TIGIT: variants seen among roughly 807,000 people sequenced by gnomAD.
TIGIT encodes the protein T cell immunoreceptor with Ig and ITIM domains.
TIGIT carries 11 observed loss-of-function variants against 19.6 expected under a neutral mutation model. That is an observed-to-expected ratio of 0.56 (90% CI 0.35 to 0.93). The LOEUF (loss-of-function observed/expected upper bound fraction) is 0.93. TIGIT is among the 40% of genes least tolerant of loss of function. The pLI is 0.01. For missense variants in TIGIT, 295 were observed against 303.9 expected (o/e 0.97, Z 0.22); for synonymous variants, 130 against 125.5 (o/e 1.04, Z -0.24).
intron 3 of TIGIT, among the ~76,000 whole-genome samples, chr3:114,300,012 T>C (rs991477745): frequency 2.0e-5 from 3 of 152,234 alleles, no homozygotes; most frequent in Admixed American, 1.3e-4. Flanking sequence ...TACTATGATT[T>C]TGATGCATCG....
intron 1 of TIGIT, 131 bp downstream of exon 1, chr3:114,294,253 T>G: frequency 1.5e-6 from 1 of 672,204 alleles, no homozygotes; most frequent in Non-Finnish European, 2.6e-6. Flanking sequence ...ATTGCAACTT[T>G]TAGAGTCCTG....
chr3:114,299,408 T>C (rs1308069483), intron 2 of TIGIT, among the ~76,000 whole-genome samples, 189 bp from the exon 3 acceptor site: 1 of 152,170 alleles, frequency 6.6e-6, no homozygotes, highest in Admixed American at 6.5e-5. Context: ...AAAATATCAG[T>C]CATTGATTTC....
At chr3:114,307,591 T>G in intron 3 of TIGIT, 1 of 296,914 alleles carries the variant, frequency 3.4e-6, no homozygotes, top group Non-Finnish European at 6.3e-6. Context: ...GTCGACAGAG[T>G]CAAGTGCAGT....
At chr3:114,299,499 C>A in intron 2 of TIGIT, 98 bp from the exon 3 acceptor site, 3 of 887,274 alleles carry the variant, frequency 3.4e-6, no homozygotes, top group Non-Finnish European at 5.5e-6. Flanking sequence ...AAGGGCTTGG[C>A]CAATCCTCCC....
intron 3 of TIGIT, among the ~76,000 whole-genome samples, chr3:114,300,981 C>A (rs2107951068): frequency 6.6e-6 from 1 of 152,258 alleles, no homozygotes; most frequent in Non-Finnish European, 1.5e-5. Context: ...TATAATTCGG[C>A]TTACTCTATA....
At chr3:114,303,354 C>A (rs2078504252) in intron 3 of TIGIT, among the ~76,000 whole-genome samples, 1 of 151,878 alleles carries the variant, frequency 6.6e-6, no homozygotes, top group Admixed American at 6.6e-5. Context: ...TTAGCTCCCA[C>A]TTCTGAGTGA....
intron 2 of TIGIT, among the ~76,000 whole-genome samples, chr3:114,298,177 G>T (rs1267221632): frequency 6.6e-6 from 1 of 152,152 alleles, no homozygotes; most frequent in Admixed American, 6.5e-5. Context: ...ATGTAGTGAT[G>T]TCATGCTTAC....
At chr3:114,301,159 A>T (rs1459927292) in intron 3 of TIGIT, among the ~76,000 whole-genome samples, 1 of 152,192 alleles carries the variant, frequency 6.6e-6, no homozygotes, top group Non-Finnish European at 1.5e-5. Flanking sequence ...AAGTCAGCTC[A>T]GCCCAGGTCA....
intron 1 of TIGIT, chr3:114,295,194 G>A (rs2078445445): frequency 4.0e-6 from 1 of 251,564 alleles, no homozygotes; most frequent in Non-Finnish European, 7.8e-6. Flanking sequence ...CCTCCCTGTG[G>A]GCGAGGTGTA....
intron 3 of TIGIT, among the ~76,000 whole-genome samples, chr3:114,304,250 T>TA (rs1259674415): frequency 4.6e-5 from 7 of 152,318 alleles, no homozygotes; most frequent in African/African-American, 1.7e-4. Context: ...TATTACTTTT[T>TA]AAAACTATTT....
intron 3 of TIGIT, among the ~76,000 whole-genome samples, chr3:114,302,418 C>G (rs1165639376): frequency 6.6e-6 from 1 of 152,232 alleles, no homozygotes; most frequent in Non-Finnish European, 1.5e-5. Context: ...CTTCAGCCTT[C>G]TCTCTTGTAG....
rs184520035 is a variant in TIGIT, at chr3:114,296,501, A to C, written c.391+627A>C. Among the ~76,000 whole-genome samples, 114 of 152,346 alleles carry C rather than the reference A, an allele frequency of 7.5e-4. 2 individuals carry two copies. The highest frequency in any genetic ancestry group is 2.6e-3 in the African/African-American group (109 of 41,576). On this transcript the variant is annotated intron_variant, in intron 2 of 3. Coordinates refer to ENST00000383671, the MANE Select transcript of TIGIT (RefSeq NM_173799.4). ...AAATCCTGGCTCTGCTGTTGCCCTC[A>C]GACAGGATTTCTTAGCTTCTCTGTG...
Position 114,307,933 on chromosome 3 carries a change from C to T in TIGIT, c.537C>T (p.Leu179=), listed in dbSNP as rs2078546272. 6.2e-7 allele frequency: 1 copy of T among 1,614,154 alleles called. No individual in the cohort carries two copies. Among genetic ancestry groups the T allele is most frequent in the Non-Finnish European group, 8.5e-7 (1 of 1,180,034 alleles). Reference sequence around the variant, plus strand: ...GAATCCATTCTGTGGAAGGTGACCTCAGGAGAAAATCAGCTGGACAGGAGG... The same window carrying T: ...GAATCCATTCTGTGGAAGGTGACCTTAGGAGAAAATCAGCTGGACAGGAGG... ...ALRIHSVEGD[L]RRKSAGQEEW... The change falls in exon 4 of 4, where the codon CTC becomes CTT. Residue 179 remains leucine (L), a synonymous_variant. Coordinates refer to ENST00000383671, the MANE Select transcript of TIGIT (RefSeq NM_173799.4).
Position 114,308,223 on chromosome 3 carries a change from GTGTGTGTGTGTGTA to G in TIGIT, c.*106_*119del, listed in dbSNP as rs2078549125. The G allele has an allele frequency of 2.3e-6, 2 of 876,610 alleles. No individual in the cohort carries two copies. The highest frequency in any genetic ancestry group is 1.6e-5 in the South Asian group (1 of 64,176). The allele number at this position is 876,610 out of a possible 1,614,324, so 54.3% of individuals were successfully genotyped here. On this transcript the variant is annotated 3_prime_UTR_variant, in exon 4 of 4. Coordinates refer to ENST00000383671, the MANE Select transcript of TIGIT (RefSeq NM_173799.4). The stretch of plus-strand genomic sequence containing the variant: ...TGTACTCTCCATCAGTGCTGCGTGT[GTGTGTGTGTGTGTA>G]TGTGTGTGTGTGTTCAGTTGAGTGA...
rs2078483972 is a variant in TIGIT at position 114,300,251 on chromosome 3, A to G, written c.498+548A>G. Among the ~76,000 whole-genome samples, 3 of 152,128 alleles carry G rather than the reference A, an allele frequency of 2.0e-5. No homozygotes were observed. The South Asian group carries it at 6.2e-4, about 32-fold the overall frequency. On this transcript the variant is annotated intron_variant, in intron 3 of 3. Coordinates refer to ENST00000383671, the MANE Select transcript of TIGIT (RefSeq NM_173799.4). ...TTTCATTTATGTGTTGGCTATCACA[A>G]TAGACATAATTCCACCCACTCGGGA...
rs1696805168 is a variant in TIGIT, at chr3:114,294,053, G to T, written c.-9G>T. The T allele has an allele frequency of 3.2e-6, 5 of 1,551,694 alleles. No individual in the cohort carries two copies. Among genetic ancestry groups the T allele is most frequent in the Non-Finnish European group, 4.4e-6 (5 of 1,146,716 alleles). Reference sequence around the variant, plus strand: ...ACATCTGCTTCCTGTAGGCCCTCTGGGCAGAAGCATGCGCTGGTGTCTCCT... The same window carrying T: ...ACATCTGCTTCCTGTAGGCCCTCTGTGCAGAAGCATGCGCTGGTGTCTCCT... On this transcript the variant is annotated 5_prime_UTR_variant, in exon 1 of 4. Coordinates refer to ENST00000383671, the MANE Select transcript of TIGIT (RefSeq NM_173799.4).
chr3:114,299,703 G>C lies in TIGIT; in HGVS notation c.498G>C (p.Lys166Asn), dbSNP rs776955721. ...AVIVVVALTR[K>N]KKALRIHSVE... ...TCGTGGTGGTCGCGTTGACTAGAAA[G>C]GTAATGGCTCCGGCTGCACACCGCA... The change falls in exon 3 of 4, where the codon AAG becomes AAC. Residue 166 changes from lysine to asparagine, a missense_variant and splice_region_variant. Coordinates refer to ENST00000383671, the MANE Select transcript of TIGIT (RefSeq NM_173799.4). 9 of 1,606,070 alleles carry C rather than the reference G, an allele frequency of 5.6e-6. No individual in the cohort carries two copies. The Admixed American group carries it at 1.5e-4, about 27-fold the overall frequency.
At chr3:114,300,741 G>A (rs1259419945) in intron 3 of TIGIT, among the ~76,000 whole-genome samples, 1 of 152,158 alleles carries the variant, frequency 6.6e-6, no homozygotes, top group Non-Finnish European at 1.5e-5. Context: ...TGTGATGAGT[G>A]CATGCATGTG....
chr3:114,295,914 T>C (rs1297967577), intron 2 of TIGIT, 40 bp downstream of exon 2: 1 of 1,503,316 alleles, frequency 6.7e-7, no homozygotes, highest in Non-Finnish European at 9.0e-7. Flanking sequence ...AACCTCTCCC[T>C]CTAGCATAGA....
Sources: allele counts gnomAD v4.1 joint callset (sites outside exome capture counted in the v4.1 genomes callset), GRCh38; gene constraint gnomAD v4.1.1; transcripts MANE v1.5; gene names NCBI Gene and HGNC (gene_info 2026-07-23, HGNC 2026-07-21).